Variants in CENPC observed in about 807,000 individuals in gnomAD.
CENPC encodes the protein CENP-C 1.
A neutral mutation model predicts 112.1 loss-of-function variants in CENPC; 63 were observed. The ratio of observed to expected loss-of-function variants is 0.56; its 90% CI spans 0.46 to 0.69. The LOEUF is 0.69. Among genes scored for constraint, CENPC ranks in the 30% least tolerant of loss-of-function variants. The pLI is 0.00. For synonymous variants in CENPC, 333 were observed against 367.6 expected (o/e 0.91, Z 1.08); for missense variants, 1,000 against 1,103.8 (o/e 0.91, Z 1.33).
At position 67,514,694 on chromosome 4, in the gene CENPC, CAG is replaced by C. The variant is rs1726007534; in HGVS notation, c.831-9_831-8del. 6.3e-7 allele frequency: 1 copy of C among 1,595,262 alleles called. No homozygotes were observed. The highest frequency in any genetic ancestry group is 1.3e-5 in the African/African-American group (1 of 74,478). ...CGCATGCCTAACAATGGGACTGAAA[CAG>C]GGTGATACTTTTAACAGTTCAAAAA... On this transcript the variant is annotated splice_region_variant and splice_polypyrimidine_tract_variant and intron_variant, in intron 7 of 18. Transcript: ENST00000273853.
At chr4:67,490,387 T>A (rs1725207555) in intron 16 of CENPC, among the ~76,000 whole-genome samples, 1 of 152,096 alleles carries the variant, frequency 6.6e-6, no homozygotes, top group Non-Finnish European at 1.5e-5. Flanking sequence ...AATAAGTTCA[T>A]CTATTCGATA....
At chr4:67,491,586 T>C (rs994980900) in intron 16 of CENPC, among the ~76,000 whole-genome samples, 2 of 147,212 alleles carry the variant, frequency 1.4e-5, no homozygotes, top group East Asian at 4.2e-4. Flanking sequence ...AGCCCATCCC[T>C]TGGGGATCTT....
Position 67,492,197 on chromosome 4 carries a change from C to A in CENPC, c.2498G>T (p.Arg833Ile). ...QPTRVKDPET[R>I]EIILMDLVRP... ...GATCTTACCCATGAGAATAATCTCT[C>A]TTGTTTCTGGGTCCTTTACCCTCGT... Residue 833 changes from arginine to isoleucine, a missense_variant, in exon 16 of 19, where the codon AGA becomes ATA. Arg to Ile is a moderately conservative substitution (Grantham distance 97, BLOSUM62 -3). Coordinates refer to ENST00000273853, the MANE Select transcript of CENPC (RefSeq NM_001812.4). 6.4e-7 allele frequency: 1 copy of A among 1,562,472 alleles called. No individual in the cohort carries two copies. The highest frequency in any genetic ancestry group is 8.7e-7 in the Non-Finnish European group (1 of 1,150,712).
chr4:67,530,659 T>C (rs1448950501), intron 5 of CENPC, among the ~76,000 whole-genome samples, 156 bp downstream of exon 5: 6 of 151,754 alleles, frequency 4.0e-5, no homozygotes, highest in African/African-American at 1.2e-4. Context: ...GACCATGGAG[T>C]TGTAAGGAAA....
intron 4 of CENPC, among the ~76,000 whole-genome samples, chr4:67,538,516 C>T (rs1403213262): frequency 6.6e-6 from 1 of 152,128 alleles, no homozygotes; most frequent in Non-Finnish European, 1.5e-5. Context: ...CTCTGATCAC[C>T]CATTTCCAGA....
chr4:67,485,081 A>G (rs939827186), intron 17 of CENPC, among the ~76,000 whole-genome samples: 1 of 152,128 alleles, frequency 6.6e-6, no homozygotes, highest in Non-Finnish European at 1.5e-5. Flanking sequence ...TGACAGAGCG[A>G]GACTCCAACT....
At chr4:67,530,467 C>A (rs1333228051) in intron 5 of CENPC, among the ~76,000 whole-genome samples, 1 of 150,678 alleles carries the variant, frequency 6.6e-6, no homozygotes. Context: ...AGGTACAGAA[C>A]TATTTAAAGG....
chr4:67,514,448 G>C lies in CENPC; in HGVS notation c.1070C>G (p.Thr357Ser). The change falls in exon 8 of 19, where the codon ACT (threonine) becomes AGT (serine). Residue 357 changes from threonine (T) to serine (S), a missense_variant. Coordinates refer to ENST00000273853, the MANE Select transcript of CENPC (RefSeq NM_001812.4). ...ATGGGAATGTTTGTCATTTGCCAAA[G>C]TCTTAGGTAATATATTATGATGCTT... Reference protein sequence around the residue: ...REKHHNILPKTLANDKHSHKP... With the variant: ...REKHHNILPKSLANDKHSHKP... 1 of 1,613,564 alleles carries C rather than the reference G, an allele frequency of 6.2e-7. No individual in the cohort carries two copies.
At position 67,514,025 on chromosome 4, in the gene CENPC, T is replaced by C. The variant is rs776891152; in HGVS notation, c.1444+49A>G. 7.5e-6 allele frequency: 11 copies of C among 1,470,446 alleles called. No homozygotes were observed. In the South Asian group the frequency reaches 1.5e-4, roughly 20 times the overall value. 91.1% of individuals were successfully genotyped at this position (1,470,446 alleles called of 1,614,324 possible). On this transcript the variant is annotated intron_variant, in intron 8 of 18. Coordinates refer to ENST00000273853, the MANE Select transcript of CENPC (RefSeq NM_001812.4). Reference sequence around the variant, plus strand: ...AGCTAAGTTAGGATATTAAAAAACATAAAATGGGTAGAATAATGCTCATGG... The same window carrying C: ...AGCTAAGTTAGGATATTAAAAAACACAAAATGGGTAGAATAATGCTCATGG...
At chr4:67,517,287 G>A (rs939959463) in intron 7 of CENPC, among the ~76,000 whole-genome samples, 2 of 151,518 alleles carry the variant, frequency 1.3e-5, no homozygotes, top group Non-Finnish European at 2.9e-5. Flanking sequence ...TCAGCCTCCC[G>A]AATAGCTGGG....
intron 10 of CENPC, 115 bp from the exon 11 acceptor site, chr4:67,507,049 G>A (rs376455628): frequency 1.5e-5 from 10 of 681,942 alleles, no homozygotes; most frequent in East Asian, 1.2e-4. Flanking sequence ...ACGAATATCA[G>A]ATCACCCTGT....
At chr4:67,519,173 T>C (rs1726145478) in intron 6 of CENPC, 44 bp downstream of exon 6, 1 of 1,413,242 alleles carries the variant, frequency 7.1e-7, no homozygotes, top group Middle Eastern at 2.5e-4. Flanking sequence ...ATACAAAAAG[T>C]AAAATTTTTA....
chr4:67,499,262 GC>G (rs1210946044), intron 12 of CENPC, among the ~76,000 whole-genome samples: 2 of 152,214 alleles, frequency 1.3e-5, no homozygotes, highest in Non-Finnish European at 2.9e-5. Flanking sequence ...GACCTTGGAA[GC>G]TTTGAAGTCA....
intron 10 of CENPC, among the ~76,000 whole-genome samples, chr4:67,507,857 AAG>A (rs1159780553): frequency 3.9e-5 from 6 of 152,130 alleles, no homozygotes; most frequent in Admixed American, 3.3e-4. Context: ...AATAAAATAA[AAG>A]AGAGAGAAAA....
chr4:67,470,583 A>AAAAAAGAAAAG lies in CENPC; in HGVS notation c.*2021_*2022insCTTTTCTTTTT, dbSNP rs58690134. 34 of 110,640 alleles carry AAAAAAGAAAAG rather than the reference A, an allele frequency of 3.1e-4. 1 individual carries two copies. Among genetic ancestry groups the AAAAAAGAAAAG allele is most frequent in the South Asian group, 1.2e-3 (4 of 3,254 alleles). The allele number at this position is 110,640 out of a possible 1,614,324, so 6.9% of individuals were successfully genotyped here. On this transcript the variant is annotated 3_prime_UTR_variant, in exon 19 of 19. Transcript: ENST00000273853. ...GTGAAACTCTGCCTCAAAAAAAAAAAAAAAGAAAAGAAAAGAAAAAAGAAA... is the reference window on the plus strand; with the variant it reads ...GTGAAACTCTGCCTCAAAAAAAAAAAAAAAAGAAAAGAAAAGAAAAGAAAAGAAAAAAGAAA...
chr4:67,478,286 G>A (rs997891439), intron 17 of CENPC, among the ~76,000 whole-genome samples: 2 of 151,990 alleles, frequency 1.3e-5, no homozygotes, highest in Non-Finnish European at 2.9e-5. Context: ...AGAATCTTAA[G>A]AGCTGTGAGG....
chr4:67,535,902 G>A (rs2109831340), intron 4 of CENPC, among the ~76,000 whole-genome samples: 1 of 152,176 alleles, frequency 6.6e-6, no homozygotes, highest in East Asian at 1.9e-4. Flanking sequence ...TAATAGCTAA[G>A]ACTAAAAAGT....
At chr4:67,474,661 G>A (rs373276677) in intron 18 of CENPC, 7 of 423,832 alleles carry the variant, frequency 1.7e-5, no homozygotes, top group East Asian at 1.1e-4. Context: ...TCGTGCCACT[G>A]CACTCCAGCC....
intron 5 of CENPC, among the ~76,000 whole-genome samples, chr4:67,528,893 A>G (rs1726462046): frequency 6.6e-6 from 1 of 152,204 alleles, no homozygotes. Flanking sequence ...AGCAACTATC[A>G]AATTGTTTTC....
Sources: allele counts gnomAD v4.1 joint callset (sites outside exome capture counted in the v4.1 genomes callset), GRCh38; gene constraint gnomAD v4.1.1; transcripts MANE v1.5; gene names NCBI Gene and HGNC (gene_info 2026-07-23, HGNC 2026-07-21).